The following KRCC1 variants were observed in gnomAD, a reference collection of about 807,000 sequenced individuals.
KRCC1 encodes the protein lysine rich coiled-coil 1.
In KRCC1, 3 loss-of-function variants were observed where a neutral mutation model predicts 7.4. The observed-to-expected ratio is 0.40, with a 90% CI of 0.18 to 1.04. The LOEUF is 1.04. Ranked by LOEUF, KRCC1 falls within the 50% of genes least tolerant of loss-of-function variation. The probability of loss-of-function intolerance (pLI) is 0.33; values close to 1 mark genes in which losing one functional copy is unlikely to be tolerated. For missense variants in KRCC1, 277 were observed against 300.9 expected (o/e 0.92, Z 0.59); for synonymous variants, 102 against 101.6 (o/e 1.00, Z -0.02).
intron 1 of KRCC1, among the ~76,000 whole-genome samples, chr2:88,038,036 T>A (rs999742383): frequency 1.3e-5 from 2 of 152,122 alleles, no homozygotes; most frequent in Non-Finnish European, 2.9e-5. Flanking sequence ...AATGGATGAG[T>A]TAGAATCATA....
chr2:88,029,542 C>A (rs1183282515), intron 3 of KRCC1, among the ~76,000 whole-genome samples: 1 of 151,964 alleles, frequency 6.6e-6, no homozygotes, highest in Non-Finnish European at 1.5e-5. Flanking sequence ...CATTCCACTA[C>A]TTCTGATTGG....
chr2:88,053,924 G>A (rs1438879768), intron 1 of KRCC1, among the ~76,000 whole-genome samples: 1 of 152,128 alleles, frequency 6.6e-6, no homozygotes, highest in Non-Finnish European at 1.5e-5. Context: ...AAGACAAAAA[G>A]CAACATAAGG....
chr2:88,042,373 C>A (rs946276419), intron 1 of KRCC1, among the ~76,000 whole-genome samples: 1 of 151,970 alleles, frequency 6.6e-6, no homozygotes, highest in Non-Finnish European at 1.5e-5. Context: ...ACCACTATTC[C>A]TAAATGAGGT....
intron 1 of KRCC1, among the ~76,000 whole-genome samples, chr2:88,041,955 C>T (rs766075783): frequency 8.5e-5 from 13 of 152,086 alleles, no homozygotes; most frequent in Non-Finnish European, 1.5e-4. Flanking sequence ...ATCTCTCCCC[C>T]CCGATATTGG....
At chr2:88,049,098 T>G (rs990321673) in intron 1 of KRCC1, among the ~76,000 whole-genome samples, 1 of 152,178 alleles carries the variant, frequency 6.6e-6, no homozygotes, top group African/African-American at 2.4e-5. Context: ...ATTACAAAAA[T>G]AACTAAGGGT....
At chr2:88,053,673 T>C (rs1183867970) in intron 1 of KRCC1, among the ~76,000 whole-genome samples, 1 of 152,226 alleles carries the variant, frequency 6.6e-6, no homozygotes, top group Non-Finnish European at 1.5e-5. Context: ...GAAAAAGTGC[T>C]TACAAAAATG....
At chr2:88,037,894 C>T (rs941275576) in intron 1 of KRCC1, among the ~76,000 whole-genome samples, 5 of 152,200 alleles carry the variant, frequency 3.3e-5, no homozygotes, top group Admixed American at 2.0e-4. Context: ...AAAATTACTA[C>T]GTTTACACTT....
chr2:88,029,247 C>T (rs1401111476), intron 3 of KRCC1, among the ~76,000 whole-genome samples: 4 of 152,114 alleles, frequency 2.6e-5, no homozygotes, highest in Non-Finnish European at 5.9e-5. Context: ...CAATTAATTT[C>T]TGAAGTTCTC....
chr2:88,032,916 C>T (rs1439031247), intron 3 of KRCC1, among the ~76,000 whole-genome samples: 1 of 151,908 alleles, frequency 6.6e-6, no homozygotes, highest in African/African-American at 2.4e-5. Flanking sequence ...ACCTGGCCAA[C>T]ACAGCAAGAA....
intron 1 of KRCC1, among the ~76,000 whole-genome samples, chr2:88,046,648 A>T (rs1673341591): frequency 6.6e-6 from 1 of 152,132 alleles, no homozygotes; most frequent in African/African-American, 2.4e-5. Flanking sequence ...TCTCTTTTCT[A>T]ATTGCTCTGA....
intron 1 of KRCC1, among the ~76,000 whole-genome samples, chr2:88,042,558 T>C (rs1673236002): frequency 2.0e-5 from 3 of 152,094 alleles, no homozygotes; most frequent in Non-Finnish European, 4.4e-5. Context: ...GCTAGGACTA[T>C]AGGCATGTGC....
intron 1 of KRCC1, among the ~76,000 whole-genome samples, chr2:88,052,455 A>G (rs770377371): frequency 3.9e-5 from 6 of 152,258 alleles, no homozygotes; most frequent in African/African-American, 7.2e-5. Context: ...TGTCTTTTGC[A>G]TATCTGCATT....
intron 1 of KRCC1, among the ~76,000 whole-genome samples, chr2:88,047,900 G>A (rs944928941): frequency 5.3e-5 from 8 of 152,088 alleles, no homozygotes; most frequent in Non-Finnish European, 1.2e-4. Flanking sequence ...AGCAAAATTA[G>A]GATGCTAATT....
At chr2:88,055,443 C>T (rs1016785174) in intron 1 of KRCC1, among the ~76,000 whole-genome samples, 183 bp downstream of exon 1, 1 of 151,998 alleles carries the variant, frequency 6.6e-6, no homozygotes, top group African/African-American at 2.4e-5. Context: ...ACTCGGAAGC[C>T]CTGGCGTCTC....
chr2:88,055,438 G>T (rs1328983143), intron 1 of KRCC1, among the ~76,000 whole-genome samples, 188 bp downstream of exon 1: 1 of 151,882 alleles, frequency 6.6e-6, no homozygotes, highest in Non-Finnish European at 1.5e-5. Context: ...ACTCCACTCG[G>T]AAGCCCTGGC....
chr2:88,027,548 C>A lies in KRCC1; in HGVS notation c.*236G>T. 2 of 405,598 alleles carry A rather than the reference C, an allele frequency of 4.9e-6. No homozygotes were observed. Among genetic ancestry groups the A allele is most frequent in the South Asian group, 7.1e-5 (1 of 14,002 alleles). 25.1% of individuals were successfully genotyped at this position (405,598 alleles called of 1,614,324 possible). A position where few individuals can be genotyped will look rare whatever the true frequency, so the allele number is the denominator to read the frequency against. ...AATTTGATGAATAAAAGCAGAGTCACTTTCATTAAAGGAAATTACACTATA... is the reference window on the plus strand; with the variant it reads ...AATTTGATGAATAAAAGCAGAGTCAATTTCATTAAAGGAAATTACACTATA... On this transcript the variant is annotated 3_prime_UTR_variant, in exon 4 of 4. Coordinates refer to ENST00000347055, the MANE Select transcript of KRCC1 (RefSeq NM_016618.3).
intron 1 of KRCC1, among the ~76,000 whole-genome samples, chr2:88,039,707 T>C (rs2104614238): frequency 6.6e-6 from 1 of 151,728 alleles, no homozygotes; most frequent in Non-Finnish European, 1.5e-5. Context: ...ATATATTATA[T>C]ATAATATCTC....
At chr2:88,032,563 C>T (rs538817816) in intron 3 of KRCC1, among the ~76,000 whole-genome samples, 104 of 152,182 alleles carry the variant, frequency 6.8e-4, no homozygotes, top group African/African-American at 2.3e-3. Context: ...GTATCCTGGT[C>T]GTTAACGGAC....
chr2:88,047,583 C>T (rs548961615), intron 1 of KRCC1, among the ~76,000 whole-genome samples: 14 of 152,288 alleles, frequency 9.2e-5, no homozygotes, highest in African/African-American at 3.1e-4. Flanking sequence ...GGCTAGAGTG[C>T]GGTGGCGTGA....
Sources: allele counts gnomAD v4.1 joint callset (sites outside exome capture counted in the v4.1 genomes callset), GRCh38; gene constraint gnomAD v4.1.1; transcripts MANE v1.5; gene names NCBI Gene and HGNC (gene_info 2026-07-23, HGNC 2026-07-21).